Variants in DTNA observed in about 807,000 individuals in gnomAD.
The protein encoded by DTNA is dystrophin-related protein 3.
Under a neutral mutation model 100.7 loss-of-function variants are expected in DTNA, and 43 were observed. That is an observed-to-expected ratio of 0.43 (90% CI 0.33 to 0.55). The LOEUF is 0.55. Ranked by LOEUF, DTNA falls within the 20% of genes least tolerant of loss-of-function variation. The pLI is 0.04. For synonymous variants in DTNA, 349 were observed against 347.9 expected (o/e 1.00, Z -0.04); for missense variants, 798 against 953.9 (o/e 0.84, Z 2.15).
At chr18:34,673,513 C>G (rs2077027780) in intron 1 of DTNA, among the ~76,000 whole-genome samples, 1 of 134,206 alleles carries the variant, frequency 7.5e-6, no homozygotes, top group Non-Finnish European at 1.6e-5. Context: ...TACGCAGAGC[C>G]AGTCCTTCAG....
rs764675965 is a variant in DTNA at position 34,820,783 on chromosome 18, C to G, written c.877-8C>G. On this transcript the variant is annotated splice_region_variant and splice_polypyrimidine_tract_variant and intron_variant, in intron 8 of 22. Coordinates refer to ENST00000444659, the MANE Select transcript of DTNA (RefSeq NM_001386795.1). ...TGTTGTCACTTCTGCCTTCCTTCTTCTTTCCAGAAATCACCTGCTAAGAAG... is the reference window on the plus strand; with the variant it reads ...TGTTGTCACTTCTGCCTTCCTTCTTGTTTCCAGAAATCACCTGCTAAGAAG... 101 of 1,614,038 alleles carry G rather than the reference C, an allele frequency of 6.3e-5. No homozygotes were observed. Among genetic ancestry groups the G allele is most frequent in the Non-Finnish European group, 8.2e-5 (97 of 1,180,004 alleles).
intron 1 of DTNA, among the ~76,000 whole-genome samples, chr18:34,496,740 A>G (rs543647121): frequency 7.2e-5 from 11 of 152,228 alleles, no homozygotes; most frequent in South Asian, 6.2e-4. Context: ...AAGAAGTTCT[A>G]TGAGAATATC....
intron 1 of DTNA, among the ~76,000 whole-genome samples, chr18:34,594,453 G>A (rs2050176664): frequency 6.6e-6 from 1 of 152,168 alleles, no homozygotes; most frequent in Admixed American, 6.5e-5. Flanking sequence ...GTGTGAATTG[G>A]AAATTCTACT....
chr18:34,812,794 G>A (rs1602490520), intron 6 of DTNA, among the ~76,000 whole-genome samples: 1 of 152,176 alleles, frequency 6.6e-6, no homozygotes, highest in East Asian at 1.9e-4. Context: ...CTTTCAAAAG[G>A]GCTTAATTGT....
intron 3 of DTNA, among the ~76,000 whole-genome samples, chr18:34,784,066 C>T (rs1601950128): frequency 6.6e-6 from 1 of 152,186 alleles, no homozygotes; most frequent in African/African-American, 2.4e-5. Flanking sequence ...CTGATTATAC[C>T]TAGGGATGCC....
chr18:34,596,597 A>G (rs1228802309), intron 1 of DTNA, among the ~76,000 whole-genome samples: 1 of 152,204 alleles, frequency 6.6e-6, no homozygotes, highest in African/African-American at 2.4e-5. Context: ...CGGGTATATC[A>G]GTCCAGATTC....
At chr18:34,694,640 A>G (rs933857563) in intron 1 of DTNA, among the ~76,000 whole-genome samples, 2 of 152,078 alleles carry the variant, frequency 1.3e-5, no homozygotes, top group Admixed American at 6.6e-5. Flanking sequence ...AACTTGCAGT[A>G]TTTTTACTTC....
intron 1 of DTNA, among the ~76,000 whole-genome samples, chr18:34,734,560 C>T (rs1414720092): frequency 6.6e-6 from 1 of 152,160 alleles, no homozygotes; most frequent in African/African-American, 2.4e-5. Context: ...AATTTCAGCT[C>T]TTTCTCTACA....
intron 19 of DTNA, among the ~76,000 whole-genome samples, 171 bp from the exon 20 acceptor site, chr18:34,879,380 C>CATGTCA (rs1298178571): frequency 6.6e-6 from 1 of 152,132 alleles, no homozygotes; most frequent in Non-Finnish European, 1.5e-5. Flanking sequence ...TATAGTAATT[C>CATGTCA]ATGTCAATAT....
intron 1 of DTNA, among the ~76,000 whole-genome samples, chr18:34,511,607 C>T (rs1426858061): frequency 1.3e-5 from 2 of 151,984 alleles, no homozygotes; most frequent in Non-Finnish European, 2.9e-5. Context: ...GGATAGGATG[C>T]TTTCAAGTCA....
intron 1 of DTNA, among the ~76,000 whole-genome samples, chr18:34,577,656 A>C (rs1161323259): frequency 6.6e-6 from 1 of 152,130 alleles, no homozygotes; most frequent in African/African-American, 2.4e-5. Flanking sequence ...CTCATAGCTT[A>C]GGTCTTACTT....
intron 1 of DTNA, among the ~76,000 whole-genome samples, chr18:34,731,316 A>T (rs2088113288): frequency 6.6e-6 from 1 of 151,880 alleles, no homozygotes; most frequent in Admixed American, 6.6e-5. Flanking sequence ...CGTCTCTATT[A>T]AAAATACAAA....
In DTNA at chr18:34,863,963, T is replaced by C. The variant is rs1483376994; in HGVS notation, c.1647-3T>C. On this transcript the variant is annotated splice_polypyrimidine_tract_variant and splice_region_variant and intron_variant, in intron 16 of 22. Coordinates refer to ENST00000444659, the MANE Select transcript of DTNA (RefSeq NM_001386795.1). ...CTTCTGATGTCAGCTGCTTCTTTCT[T>C]AGACAGCGCAAAGATGAGCTGGAAC... 4 of 1,608,010 alleles carry C rather than the reference T, an allele frequency of 2.5e-6. No individual in the cohort carries two copies. The highest frequency in any genetic ancestry group is 3.4e-6 in the Non-Finnish European group (4 of 1,176,882).
intron 4 of DTNA, among the ~76,000 whole-genome samples, chr18:34,802,344 C>T (rs1946561693): frequency 6.6e-6 from 1 of 152,212 alleles, no homozygotes; most frequent in Admixed American, 6.5e-5. Flanking sequence ...ATGCTGCTTT[C>T]CTGCTCGTTT....
intron 1 of DTNA, among the ~76,000 whole-genome samples, chr18:34,665,039 T>G (rs1265503795): frequency 6.6e-6 from 1 of 151,732 alleles, no homozygotes; most frequent in Non-Finnish European, 1.5e-5. Context: ...AAATGCTAAG[T>G]CAAGCTCTCA....
intron 16 of DTNA, among the ~76,000 whole-genome samples, chr18:34,859,847 C>A (rs1321055469): frequency 6.6e-6 from 1 of 152,182 alleles, no homozygotes; most frequent in Non-Finnish European, 1.5e-5. Flanking sequence ...TACTCCCACG[C>A]TGCAAAATGA....
chr18:34,723,422 A>T (rs985344461), intron 1 of DTNA, among the ~76,000 whole-genome samples: 15 of 152,224 alleles, frequency 9.9e-5, no homozygotes, highest in Non-Finnish European at 1.8e-4. Context: ...TGTCAAAAAA[A>T]GTTTAATATC....
chr18:34,501,500 C>G (rs1042951723), intron 1 of DTNA, among the ~76,000 whole-genome samples: 1 of 152,086 alleles, frequency 6.6e-6, no homozygotes, highest in Non-Finnish European at 1.5e-5. Flanking sequence ...TGTGTTCCCT[C>G]TTCTATTTTC....
chr18:34,875,689 A>G (rs1169970846), intron 18 of DTNA, among the ~76,000 whole-genome samples: 1 of 152,210 alleles, frequency 6.6e-6, no homozygotes, highest in African/African-American at 2.4e-5. Flanking sequence ...AACTTCATAA[A>G]TGTAATCTAT....
Sources: allele counts gnomAD v4.1 joint callset (sites outside exome capture counted in the v4.1 genomes callset), GRCh38; gene constraint gnomAD v4.1.1; transcripts MANE v1.5; gene names NCBI Gene and HGNC (gene_info 2026-07-23, HGNC 2026-07-21).